Variants in PTPRD observed in about 807,000 individuals in gnomAD.
PTPRD encodes the protein receptor-type tyrosine-protein phosphatase delta.
A neutral mutation model predicts 214.5 loss-of-function variants in PTPRD; 34 were observed. That is an observed-to-expected ratio of 0.16 (90% CI 0.12 to 0.21). The LOEUF is 0.21. Ranked by LOEUF, PTPRD falls within the 10% of genes least tolerant of loss-of-function variation. The probability of loss-of-function intolerance (pLI) is 1.00; values close to 1 mark genes in which losing one functional copy is unlikely to be tolerated. For missense variants in PTPRD, 2,545 were observed against 2,398.7 expected, an observed-to-expected ratio of 1.06 and a Z score of -1.27; for synonymous variants, 1,128 against 845.7, an observed-to-expected ratio of 1.33 and a Z score of -5.79.
intron 5 of PTPRD, among the ~76,000 whole-genome samples, chr9:9,819,649 C>T (rs762420764): frequency 2.6e-5 from 4 of 151,910 alleles, no homozygotes; most frequent in Non-Finnish European, 1.5e-5. Context: ...AGTTTTTCAT[C>T]CCTTGTCCCC....
intron 9 of PTPRD, among the ~76,000 whole-genome samples, chr9:9,373,506 G>T (rs2060057851): frequency 6.6e-6 from 1 of 152,042 alleles, no homozygotes; most frequent in Non-Finnish European, 1.5e-5. Flanking sequence ...AACTCAAAGG[G>T]TATTCAGGAC....
chr9:9,148,874 A>C (rs946082512), intron 10 of PTPRD, among the ~76,000 whole-genome samples: 1 of 152,196 alleles, frequency 6.6e-6, no homozygotes, highest in Non-Finnish European at 1.5e-5. Flanking sequence ...CAAGAAAATG[A>C]TATGGTTACA....
At chr9:9,990,536 GAAGT>G (rs2095876135) in intron 4 of PTPRD, among the ~76,000 whole-genome samples, 1 of 152,236 alleles carries the variant, frequency 6.6e-6, no homozygotes, top group South Asian at 2.1e-4. Flanking sequence ...AAGCAGAGCG[GAAGT>G]AAGCTGTGCA....
chr9:9,814,054 G>T (rs1292328240), intron 5 of PTPRD, among the ~76,000 whole-genome samples: 2 of 152,054 alleles, frequency 1.3e-5, no homozygotes, highest in South Asian at 2.1e-4. Flanking sequence ...AATATCACAT[G>T]ATCTCAATAG....
chr9:10,500,053 G>C (rs1360397990), intron 2 of PTPRD, among the ~76,000 whole-genome samples: 5 of 150,378 alleles, frequency 3.3e-5, no homozygotes, highest in Non-Finnish European at 7.4e-5. Flanking sequence ...TCCAATATTG[G>C]AATATTTTTC....
intron 12 of PTPRD, among the ~76,000 whole-genome samples, chr9:8,657,654 C>T (rs1354958770): frequency 1.3e-5 from 2 of 152,134 alleles, no homozygotes; most frequent in East Asian, 1.9e-4. Flanking sequence ...TCCCATTCAT[C>T]AATTTTTGCT....
chr9:8,525,221 T>A (rs1226240749), intron 17 of PTPRD, 186 bp from the exon 18 acceptor site: 1 of 720,362 alleles, frequency 1.4e-6, no homozygotes, highest in South Asian at 1.5e-5. Context: ...GAGATTATTT[T>A]TTTTTTTTAC....
At chr9:10,470,749 G>T (rs1023626738) in intron 2 of PTPRD, among the ~76,000 whole-genome samples, 1 of 152,106 alleles carries the variant, frequency 6.6e-6, no homozygotes, top group Admixed American at 6.6e-5. Flanking sequence ...GAGAAAAACT[G>T]CTTCTAGTAG....
At chr9:8,471,131 A>G in intron 30 of PTPRD, 46 bp from the exon 31 acceptor site, 1 of 1,523,756 alleles carries the variant, frequency 6.6e-7, no homozygotes, top group South Asian at 1.1e-5. Context: ...TGAAAGGAGG[A>G]AAACGTGGAT....
intron 3 of PTPRD, among the ~76,000 whole-genome samples, chr9:10,159,824 GA>G (rs1795189784): frequency 6.6e-6 from 1 of 151,672 alleles, no homozygotes; most frequent in African/African-American, 2.4e-5. Flanking sequence ...GGAAAAAAAA[GA>G]TTGAAAATTA....
intron 2 of PTPRD, among the ~76,000 whole-genome samples, chr9:10,448,521 A>G (rs2098815155): frequency 6.6e-6 from 1 of 152,014 alleles, no homozygotes; most frequent in Non-Finnish European, 1.5e-5. Flanking sequence ...GAAATATAAT[A>G]GGAAGTGGGT....
In PTPRD at chr9:8,876,050, A is replaced by G. The variant is rs114557602; in HGVS notation, c.-103-142104T>C. Among the ~76,000 whole-genome samples, 668 of 152,296 alleles carry G rather than the reference A, an allele frequency of 4.4e-3. 7 individuals are homozygous for G. The highest frequency in any genetic ancestry group is 0.015 in the African/African-American group (623 of 41,558). ...TTTGTTGGATTTTTCTCTTACTTAG[A>G]CCTTATCATATCCTAACTGATAAAT... On this transcript the variant is annotated intron_variant, in intron 11 of 45. Coordinates refer to ENST00000381196, the MANE Select transcript of PTPRD (RefSeq NM_002839.4).
chr9:10,455,962 T>C (rs978286476), intron 2 of PTPRD, among the ~76,000 whole-genome samples: 2 of 151,862 alleles, frequency 1.3e-5, no homozygotes, highest in Non-Finnish European at 3.0e-5. Flanking sequence ...CTTGTTCTTC[T>C]ATTTCTGTTT....
At chr9:10,161,963 C>T (rs189787465) in intron 3 of PTPRD, among the ~76,000 whole-genome samples, 1 of 151,668 alleles carries the variant, frequency 6.6e-6, no homozygotes, top group Non-Finnish European at 1.5e-5. Context: ...CATCACTAAT[C>T]ATCAGAAAAA....
chr9:9,868,802 G>C (rs2064686187), intron 5 of PTPRD, among the ~76,000 whole-genome samples: 1 of 151,864 alleles, frequency 6.6e-6, no homozygotes, highest in African/African-American at 2.4e-5. Context: ...TAAAGAATTT[G>C]GCTGTTATTA....
chr9:8,334,152 C>T (rs1844313171), intron 43 of PTPRD, among the ~76,000 whole-genome samples: 1 of 152,130 alleles, frequency 6.6e-6, no homozygotes, highest in Non-Finnish European at 1.5e-5. Context: ...CAAGGACATT[C>T]AGGACTTGAA....
At chr9:10,205,981 C>G (rs1215167181) in intron 3 of PTPRD, among the ~76,000 whole-genome samples, 2 of 148,484 alleles carry the variant, frequency 1.3e-5, no homozygotes, top group African/African-American at 5.0e-5. Flanking sequence ...AGCTTTTAAT[C>G]TAGTAGAGGA....
At chr9:9,306,750 C>T (rs1345926716) in intron 9 of PTPRD, among the ~76,000 whole-genome samples, 2 of 152,050 alleles carry the variant, frequency 1.3e-5, no homozygotes, top group African/African-American at 4.8e-5. Flanking sequence ...TAGAAACACT[C>T]TCATTTTTGG....
chr9:8,757,848 G>A (rs144285078), intron 11 of PTPRD, among the ~76,000 whole-genome samples: 1 of 152,064 alleles, frequency 6.6e-6, no homozygotes, highest in African/African-American at 2.4e-5. Flanking sequence ...TCCCAATTTT[G>A]ACCTGTATGG....
Sources: gnomAD v4.1 joint callset for allele counts (sites outside exome capture counted in the v4.1 genomes callset) on GRCh38, gnomAD v4.1.1 for gene constraint, MANE v1.5 for transcripts, NCBI Gene and HGNC (gene_info 2026-07-23, HGNC 2026-07-21) for gene names.